The following MYO7B variants were observed in gnomAD, a reference collection of about 807,000 sequenced individuals.
MYO7B encodes the protein unconventional myosin-VIIb.
Under a neutral mutation model 259.7 loss-of-function variants are expected in MYO7B, and 212 were observed. That is an observed-to-expected ratio of 0.82 (90% confidence interval 0.73 to 0.91). The LOEUF is 0.91. Among genes scored for constraint, MYO7B ranks in the 40% least tolerant of loss-of-function variants. The probability of loss-of-function intolerance (pLI) is 0.00; values close to 1 mark genes in which losing one functional copy is unlikely to be tolerated. For missense variants in MYO7B, 2,732 were observed against 2,813.5 expected, an observed-to-expected ratio of 0.97 and a Z score of 0.66; for synonymous variants, 1,197 against 1,166.4, an observed-to-expected ratio of 1.03 and a Z score of -0.54.
At chr2:127,610,149 C>A in intron 24 of MYO7B, 133 bp downstream of exon 24, 2 of 1,231,236 alleles carry the variant, frequency 1.6e-6, no homozygotes, top group Non-Finnish European at 1.1e-6. Context: ...CCCATGGAAC[C>A]CAGCCCCCAG....
rs375612437 is a variant in MYO7B at position 127,615,077 on chromosome 2, G to A, written c.3398+2474G>A. Among the ~76,000 whole-genome samples, 1 of 152,130 alleles carries A rather than the reference G, an allele frequency of 6.6e-6. No homozygotes were observed. Among genetic ancestry groups the A allele is most frequent in the Non-Finnish European group, 1.5e-5 (1 of 68,024 alleles). ...CCTGGAGGAGCTCACCCTTTAGCTGGGGGGCACGAGAGGACCAGGAAATTC... is the reference window on the plus strand; with the variant it reads ...CCTGGAGGAGCTCACCCTTTAGCTGAGGGGCACGAGAGGACCAGGAAATTC... On this transcript the variant is annotated intron_variant, in intron 26 of 47. Transcript: ENST00000409816. This position sits in a 1 kb window ranked among gnomAD's most constrained non-coding sequence, Gnocchi z 4.4.
intron 16 of MYO7B, among the ~76,000 whole-genome samples, chr2:127,592,002 T>G (rs1392001448): frequency 6.6e-6 from 1 of 152,228 alleles, no homozygotes; most frequent in African/African-American, 2.4e-5. Flanking sequence ...GTAGATTTAT[T>G]TTTTCATTTA....
intron 6 of MYO7B, among the ~76,000 whole-genome samples, chr2:127,572,999 T>C (rs549497831): frequency 2.6e-5 from 4 of 151,656 alleles, no homozygotes; most frequent in African/African-American, 9.7e-5. Context: ...GTCGCCCCCA[T>C]GATGGCCACA....
rs1191205900 is a variant in MYO7B at position 127,627,643 on chromosome 2, T to C, written c.4460+333T>C. ...TCCTTTCTTTGTCATGGACGAGAAC[T>C]GGTGGCCTGGAGGGTACAGGTTGTC... On this transcript the variant is annotated intron_variant, in intron 33 of 47. Transcript: ENST00000409816. This position sits in a 1 kb window ranked among gnomAD's most constrained non-coding sequence, Gnocchi z 5.6. The C allele has an allele frequency of 4.2e-6, 2 of 476,788 alleles. No homozygotes were observed. The highest frequency in any genetic ancestry group is 2.0e-5 in the African/African-American group (1 of 50,934). 29.5% of individuals were successfully genotyped at this position (476,788 alleles called of 1,614,324 possible). A position where few individuals can be genotyped will look rare whatever the true frequency, so the allele number is the denominator to read the frequency against.
intron 27 of MYO7B, 42 bp from the exon 28 acceptor site, chr2:127,621,940 T>C (rs1000148182): frequency 1.9e-6 from 3 of 1,551,520 alleles, no homozygotes; most frequent in Admixed American, 2.0e-5. Flanking sequence ...ACTGGCCTCC[T>C]TTCTGAGTGT....
intron 17 of MYO7B, among the ~76,000 whole-genome samples, 197 bp downstream of exon 17, chr2:127,593,143 C>A (rs1223014204): frequency 6.6e-6 from 1 of 152,198 alleles, no homozygotes; most frequent in Non-Finnish European, 1.5e-5. Flanking sequence ...AGTGAGGGGG[C>A]TTTCCCTGGG....
At chr2:127,558,676 T>A (rs1239979835) in intron 1 of MYO7B, among the ~76,000 whole-genome samples, 1 of 152,184 alleles carries the variant, frequency 6.6e-6, no homozygotes, top group Non-Finnish European at 1.5e-5. Flanking sequence ...CGTATATATA[T>A]GATATACATA....
chr2:127,610,153 C>A (rs1208237124), intron 24 of MYO7B, 137 bp downstream of exon 24: 1 of 1,185,786 alleles, frequency 8.4e-7, no homozygotes, highest in Non-Finnish European at 1.2e-6. Context: ...TGGAACCCAG[C>A]CCCCAGGCCA....
At chr2:127,604,923 GA>G (rs1680107902) in intron 19 of MYO7B, among the ~76,000 whole-genome samples, 1 of 152,172 alleles carries the variant, frequency 6.6e-6, no homozygotes, top group African/African-American at 2.4e-5. Context: ...TGAAAAATTT[GA>G]AATATTGCAA....
intron 19 of MYO7B, among the ~76,000 whole-genome samples, chr2:127,602,058 C>A (rs903845125): frequency 6.6e-6 from 1 of 151,912 alleles, no homozygotes; most frequent in Non-Finnish European, 1.5e-5. Flanking sequence ...TTCCTCTCTC[C>A]TTCGCATTTT....
chr2:127,582,590 G>A (rs1679148077), intron 12 of MYO7B, 144 bp downstream of exon 12: 4 of 991,590 alleles, frequency 4.0e-6, no homozygotes, highest in Non-Finnish European at 5.8e-6. Context: ...TCTGCATGGG[G>A]TGGCTGCTGT....
rs34233331 is a variant in MYO7B at position 127,579,574 on chromosome 2, A to ATTTGTTTGTTTG, written c.1004-1156_1004-1145dup. Among the ~76,000 whole-genome samples, 1,117 of 150,486 alleles carry ATTTGTTTGTTTG rather than the reference A, an allele frequency of 7.4e-3. 13 individuals are homozygous for ATTTGTTTGTTTG. Among genetic ancestry groups the ATTTGTTTGTTTG allele is most frequent in the African/African-American group, 0.026 (1,062 of 40,798 alleles). On this transcript the variant is annotated intron_variant, in intron 9 of 47. Transcript: ENST00000409816. ...ATGCAGACAGATCCACTAACATAAC[A>ATTTGTTTGTTTG]TTTGTTTGTTTGTTTGTTTGTTTGT...
rs889179814 is a variant in MYO7B, at chr2:127,585,920, T to G, written c.1690+1007T>G. 1.3e-5 allele frequency among the ~76,000 whole-genome samples: 2 copies of G among 152,256 alleles called. No homozygotes were observed. The highest frequency in any genetic ancestry group is 2.4e-5 in the African/African-American group (1 of 41,472). Reference sequence around the variant, plus strand: ...TGCTCTGCCTGTGTTTTCACTGGGTTGTCTTTTCATTGTCGAGTTGTAAGA... The same window carrying G: ...TGCTCTGCCTGTGTTTTCACTGGGTGGTCTTTTCATTGTCGAGTTGTAAGA... On this transcript the variant is annotated intron_variant, in intron 14 of 47. Coordinates refer to ENST00000409816, the MANE Select transcript of MYO7B (RefSeq NM_001393586.1). The surrounding 1 kb of genome is among the most constrained non-coding windows in gnomAD (Gnocchi z 4.3).
intron 19 of MYO7B, among the ~76,000 whole-genome samples, chr2:127,605,061 C>T (rs1161785045): frequency 2.0e-5 from 3 of 152,156 alleles, no homozygotes. Context: ...CTGCAAAGTG[C>T]AATAGAGCAA....
chr2:127,537,117 T>C (rs1466901081), intron 1 of MYO7B, among the ~76,000 whole-genome samples: 1 of 152,262 alleles, frequency 6.6e-6, no homozygotes, highest in Non-Finnish European at 1.5e-5. Flanking sequence ...ATGAATGATC[T>C]GATGAGCCGA....
intron 5 of MYO7B, among the ~76,000 whole-genome samples, chr2:127,567,662 G>GATTCATTC (rs111424295): frequency 6.6e-5 from 10 of 152,138 alleles, no homozygotes; most frequent in African/African-American, 1.4e-4. Context: ...CCACCTGGGG[G>GATTCATTC]ATTCATTCAT....
In MYO7B at chr2:127,562,618, G is replaced by T. The variant is rs1195125018; in HGVS notation, c.19-1535G>T. ...TTCTCCTGCGTCAGCCTCCCATGTA[G>T]CTGGGACTACAGGTGCTTGCCACCA... On this transcript the variant is annotated intron_variant, in intron 2 of 47. Coordinates refer to ENST00000409816, the MANE Select transcript of MYO7B (RefSeq NM_001393586.1). Among the ~76,000 whole-genome samples the T allele has an allele frequency of 1.3e-5, 2 of 150,696 alleles. 1 individual carries two copies. Among genetic ancestry groups the T allele is most frequent in the African/African-American group, 4.9e-5 (2 of 41,028 alleles).
chr2:127,566,905 G>C, intron 5 of MYO7B, 78 bp downstream of exon 5: 1 of 1,450,462 alleles, frequency 6.9e-7, no homozygotes, highest in Non-Finnish European at 9.4e-7. Context: ...AAGATCAGGC[G>C]AGATGAGAGC....
chr2:127,583,432 C>A (rs1295539673), intron 12 of MYO7B, among the ~76,000 whole-genome samples: 1 of 152,150 alleles, frequency 6.6e-6, no homozygotes, highest in Non-Finnish European at 1.5e-5. Flanking sequence ...GAACTTAGCC[C>A]AATGCACTCT....
Sources: allele counts gnomAD v4.1 joint callset (sites outside exome capture counted in the v4.1 genomes callset), GRCh38; gene constraint gnomAD v4.1.1; non-coding constraint Gnocchi (gnomAD v3.1); transcripts MANE v1.5; gene names NCBI Gene and HGNC (gene_info 2026-07-23, HGNC 2026-07-21).